Variants in ESRRG observed in about 807,000 individuals in gnomAD.
ESRRG encodes the protein estrogen-related receptor gamma.
In ESRRG, 13 loss-of-function variants were observed where a neutral mutation model predicts 44.0. That is an observed-to-expected ratio of 0.30 (90% CI 0.19 to 0.47). The LOEUF is 0.47. ESRRG is among the 20% of genes least tolerant of loss of function. The probability of loss-of-function intolerance (pLI) is 1.00; values close to 1 mark genes in which losing one functional copy is unlikely to be tolerated. For missense variants in ESRRG, 395 were observed against 580.6 expected, an observed-to-expected ratio of 0.68 and a Z score of 3.29; for synonymous variants, 215 against 214.6, an observed-to-expected ratio of 1.00 and a Z score of -0.02.
chr1:216,887,125 G>A (rs1378338938), intron 2 of ESRRG, among the ~76,000 whole-genome samples: 1 of 151,986 alleles, frequency 6.6e-6, no homozygotes, highest in South Asian at 2.1e-4. Flanking sequence ...ATTTAAAACC[G>A]ATCGTCCAAG....
chr1:216,544,815 C>T (rs1014998359), intron 5 of ESRRG, among the ~76,000 whole-genome samples: 1 of 151,670 alleles, frequency 6.6e-6, no homozygotes, highest in East Asian at 1.9e-4. Context: ...TAAAATATGT[C>T]CTAGATGGAG....
intron 3 of ESRRG, among the ~76,000 whole-genome samples, chr1:216,639,550 G>A (rs969182263): frequency 3.3e-5 from 5 of 152,130 alleles, no homozygotes. Context: ...GGTCTAAGTA[G>A]AAACACATAT....
chr1:216,856,352 AAC>A (rs5780935), intron 2 of ESRRG, among the ~76,000 whole-genome samples: 6,611 of 141,662 alleles, frequency 0.047, 161 homozygotes, highest in Middle Eastern at 0.084. Context: ...TTCTCTCTTC[AAC>A]ACACACACAC....
chr1:216,938,022 T>G (rs1412960618), intron 2 of ESRRG, among the ~76,000 whole-genome samples: 1 of 152,120 alleles, frequency 6.6e-6, no homozygotes, highest in Non-Finnish European at 1.5e-5. Flanking sequence ...TAATTCCTCT[T>G]CAGCTCACTT....
intron 1 of ESRRG, among the ~76,000 whole-genome samples, chr1:217,014,419 C>A (rs1393234060): frequency 6.6e-6 from 1 of 152,144 alleles, no homozygotes; most frequent in Non-Finnish European, 1.5e-5. Context: ...TCAAAACCTG[C>A]AATAGTTTTC....
intron 5 of ESRRG, among the ~76,000 whole-genome samples, chr1:216,547,056 C>T (rs1005404160): frequency 2.6e-5 from 4 of 151,984 alleles, no homozygotes; most frequent in Non-Finnish European, 5.9e-5. Context: ...AGAACATGCT[C>T]ATCTCTGCTA....
At chr1:216,837,420 A>AAAAAAAAAT (rs5780932) in intron 2 of ESRRG, among the ~76,000 whole-genome samples, 27 of 151,042 alleles carry the variant, frequency 1.8e-4, no homozygotes, top group African/African-American at 6.2e-4. Flanking sequence ...CAAAAAAAAA[A>AAAAAAAAAT]TACAACTTTT....
intron 1 of ESRRG, among the ~76,000 whole-genome samples, chr1:217,081,221 C>CTTTTTTTTTTTTTTTTTTTTTTTTT (rs143325476): frequency 1.4e-5 from 1 of 70,410 alleles, no homozygotes; most frequent in Non-Finnish European, 2.4e-5. Flanking sequence ...TAAAAATATT[C>CTTTTTTTTTTTTTTTTTTTTTTTTT]TTTTTTTTTT....
intron 2 of ESRRG, among the ~76,000 whole-genome samples, chr1:216,929,037 A>G (rs1480431089): frequency 6.6e-6 from 1 of 152,162 alleles, no homozygotes; most frequent in Admixed American, 6.5e-5. Context: ...GATGAACAAG[A>G]ATGGGAATGC....
At chr1:216,976,841 A>G (rs2073024966) in intron 1 of ESRRG, among the ~76,000 whole-genome samples, 1 of 152,244 alleles carries the variant, frequency 6.6e-6, no homozygotes, top group East Asian at 1.9e-4. Flanking sequence ...AAAGAGAGAG[A>G]GTTTAGGTAA....
chr1:216,580,570 A>C (rs1203516109), intron 3 of ESRRG, among the ~76,000 whole-genome samples: 2 of 152,218 alleles, frequency 1.3e-5, no homozygotes, highest in Non-Finnish European at 1.5e-5. Context: ...AAGATCATAG[A>C]TTGCTATACT....
chr1:217,022,491 C>T (rs2080484118), intron 1 of ESRRG, among the ~76,000 whole-genome samples: 1 of 152,166 alleles, frequency 6.6e-6, no homozygotes, highest in Non-Finnish European at 1.5e-5. Flanking sequence ...GAAATTAAAA[C>T]TAAGACTTCC....
At position 217,048,573 on chromosome 1, in the gene ESRRG, C is replaced by G. The variant is rs11117759; in HGVS notation, c.-106+40934G>C. Among the ~76,000 whole-genome samples the G allele has an allele frequency of 7.4e-3, 1,129 of 152,246 alleles. 17 individuals carry two copies. The highest frequency in any genetic ancestry group is 0.026 in the African/African-American group (1,073 of 41,552). ...CACTCCTATGCAGAAACCAGGCCCC[C>G]TTCCACCAATGCCACAGGCACAAGA... On this transcript the variant is annotated intron_variant, in intron 1 of 7. Coordinates refer to the ESRRG transcript ENST00000359162.
intron 2 of ESRRG, among the ~76,000 whole-genome samples, chr1:216,898,973 GC>G (rs747108770): frequency 4.6e-5 from 7 of 152,138 alleles, no homozygotes; most frequent in Non-Finnish European, 1.0e-4. Flanking sequence ...TAGCTCAAGT[GC>G]CTCAGGGGTA....
chr1:216,779,432 T>A (rs1380415321), intron 2 of ESRRG, among the ~76,000 whole-genome samples: 4 of 8,344 alleles, frequency 4.8e-4, no homozygotes, highest in South Asian at 4.4e-3. Flanking sequence ...ATAAATTTAT[T>A]TATAAAAATA....
chr1:217,086,549 A>G (rs1470137644), intron 1 of ESRRG, among the ~76,000 whole-genome samples: 1 of 152,246 alleles, frequency 6.6e-6, no homozygotes, highest in Non-Finnish European at 1.5e-5. Context: ...ATTGAAAAGT[A>G]TAATGACTTA....
intron 2 of ESRRG, among the ~76,000 whole-genome samples, chr1:216,781,671 C>T (rs1233154709): frequency 6.6e-6 from 1 of 152,036 alleles, no homozygotes; most frequent in African/African-American, 2.4e-5. Context: ...ACCGCCTTTA[C>T]ATGAGCAAAT....
At chr1:216,714,263 C>G (rs2084302993) in intron 1 of ESRRG, among the ~76,000 whole-genome samples, 2 of 152,104 alleles carry the variant, frequency 1.3e-5, no homozygotes, top group Admixed American at 6.6e-5. Flanking sequence ...ATCAGGTGTA[C>G]TCTGTATGCA....
intron 3 of ESRRG, among the ~76,000 whole-genome samples, chr1:216,596,388 C>G (rs770083714): frequency 9.2e-5 from 14 of 152,114 alleles, no homozygotes; most frequent in Non-Finnish European, 2.1e-4. Flanking sequence ...GCAGTGCTCT[C>G]TCTTCAAAGT....
Sources: allele counts gnomAD v4.1 joint callset (sites outside exome capture counted in the v4.1 genomes callset), GRCh38; gene constraint gnomAD v4.1.1; transcripts MANE v1.5; gene names NCBI Gene and HGNC (gene_info 2026-07-23, HGNC 2026-07-21).